NPHP4: variants seen among roughly 807,000 people sequenced by gnomAD.
The protein encoded by NPHP4 is nephrocystin-4.
In NPHP4, 151 loss-of-function variants were observed where a neutral mutation model predicts 155.8. The ratio of observed to expected loss-of-function variants is 0.97; its 90% CI spans 0.85 to 1.11. NPHP4 has a LOEUF of 1.11. Among genes scored for constraint, NPHP4 ranks in the 50% least tolerant of loss-of-function variants. The pLI, the probability that NPHP4 is intolerant of heterozygous loss-of-function variation, is 0.00. For synonymous variants in NPHP4, 845 were observed against 816.8 expected (o/e 1.03, Z -0.59); for missense variants, 1,956 against 1,925.7 (o/e 1.02, Z -0.29).
At chr1:5,900,839 T>C (rs1418206258) in intron 16 of NPHP4, among the ~76,000 whole-genome samples, 1 of 152,160 alleles carries the variant, frequency 6.6e-6, no homozygotes, top group Non-Finnish European at 1.5e-5. Flanking sequence ...AACACCAGCC[T>C]GGGCAACAAG....
At chr1:5,912,549 A>AG (rs1645242290) in intron 11 of NPHP4, among the ~76,000 whole-genome samples, 1 of 101,124 alleles carries the variant, frequency 9.9e-6, no homozygotes, top group African/African-American at 5.2e-5. Flanking sequence ...AAAAAAAAAA[A>AG]AAAAAAGAAA....
chr1:5,983,389 A>G (rs554010892), intron 2 of NPHP4, among the ~76,000 whole-genome samples: 6 of 152,192 alleles, frequency 3.9e-5, no homozygotes, highest in Non-Finnish European at 8.8e-5. Context: ...CACTGTGCCT[A>G]AACTGTTTAT....
At chr1:5,929,168 C>A (rs1429876360) in intron 10 of NPHP4, among the ~76,000 whole-genome samples, 6 of 152,190 alleles carry the variant, frequency 3.9e-5, no homozygotes, top group Non-Finnish European at 7.4e-5. Flanking sequence ...CCTCACTAAA[C>A]CCACTTACTC....
chr1:5,973,618 G>A (rs1652990800), intron 3 of NPHP4, among the ~76,000 whole-genome samples: 1 of 152,190 alleles, frequency 6.6e-6, no homozygotes, highest in African/African-American at 2.4e-5. Context: ...CTATGCTGCT[G>A]TGAACACACA....
chr1:5,943,235 A>C (rs1646915751), intron 9 of NPHP4, among the ~76,000 whole-genome samples: 2 of 152,252 alleles, frequency 1.3e-5, no homozygotes, highest in South Asian at 4.1e-4. Flanking sequence ...AATGCAAAAA[A>C]ATTAACAGCA....
chr1:5,964,941 A>ATATATATATATTTTTTTTTTTT, intron 5 of NPHP4, among the ~76,000 whole-genome samples: 3 of 59,412 alleles, frequency 5.0e-5, no homozygotes, highest in African/African-American at 1.7e-4. Context: ...ATATATATAT[A>ATATATATATATTTTTTTTTTTT]TTTTTTTTTT....
intron 23 of NPHP4, among the ~76,000 whole-genome samples, chr1:5,872,716 A>G (rs1273418890): frequency 2.0e-5 from 3 of 152,190 alleles, no homozygotes; most frequent in African/African-American, 4.8e-5. Flanking sequence ...TCACTTCCCA[A>G]CTACTACAAA....
Position 5,880,155 on chromosome 1 carries a change from CG to C in NPHP4, c.2569del (p.Arg857AlafsTer36). ...SRVISNDGAS[R>X]FSGGSLLTTG... ...CGTGAGGAGGCTGCCTCCAGAGAAGCGGCTGGCTCCATCGTTTGAGATGACC... is the reference window on the plus strand; with the variant it reads ...CGTGAGGAGGCTGCCTCCAGAGAAGCGCTGGCTCCATCGTTTGAGATGACC... On this transcript the variant is annotated frameshift_variant, in exon 19 of 30. Transcript: ENST00000378156. LOFTEE classifies it high-confidence loss of function. The C allele has an allele frequency of 6.2e-7, 1 of 1,613,658 alleles. No individual in the cohort carries two copies. Among genetic ancestry groups the C allele is most frequent in the Non-Finnish European group, 8.5e-7 (1 of 1,179,750 alleles).
At chr1:5,870,213 T>C (rs139837151) in intron 23 of NPHP4, among the ~76,000 whole-genome samples, 2 of 152,092 alleles carry the variant, frequency 1.3e-5, no homozygotes, top group African/African-American at 2.4e-5. Context: ...TGCTGGGCAG[T>C]AAGGAAAGAC....
Position 5,905,258 on chromosome 1 carries a change from A to G in NPHP4, c.1955+34T>C. On this transcript the variant is annotated intron_variant, in intron 15 of 29. Transcript: ENST00000378156. This position sits in a 1 kb window ranked among gnomAD's most constrained non-coding sequence, Gnocchi z 4.0. ...TTCTCTTCAACACAGGAAATGTGAA[A>G]GCCAGATGAGTAACAGAATATTCAA... is the stretch of plus-strand genomic sequence containing the variant. 6.5e-7 allele frequency: 1 copy of G among 1,547,852 alleles called. No individual in the cohort carries two copies. The highest frequency in any genetic ancestry group is 8.9e-7 in the Non-Finnish European group (1 of 1,119,574).
At chr1:5,964,018 C>T (rs939644063) in intron 5 of NPHP4, among the ~76,000 whole-genome samples, 3 of 152,136 alleles carry the variant, frequency 2.0e-5, no homozygotes, top group Admixed American at 6.6e-5. Context: ...CCCTAAGGGT[C>T]GGTATGCAGG....
intron 11 of NPHP4, among the ~76,000 whole-genome samples, chr1:5,926,465 A>T (rs1326224515): frequency 6.6e-6 from 1 of 151,654 alleles, no homozygotes; most frequent in Non-Finnish European, 1.5e-5. Flanking sequence ...GGCTGAAAAT[A>T]TTTTTTTTTA....
intron 11 of NPHP4, among the ~76,000 whole-genome samples, chr1:5,914,168 C>T (rs1645334473): frequency 6.7e-6 from 1 of 149,310 alleles, no homozygotes; most frequent in Admixed American, 6.8e-5. Flanking sequence ...GCCTATAATC[C>T]CAGCACTTTG....
intron 4 of NPHP4, among the ~76,000 whole-genome samples, chr1:5,968,340 G>A (rs757479138): frequency 7.2e-5 from 11 of 152,122 alleles, no homozygotes; most frequent in South Asian, 2.1e-4. Context: ...AGCGGCTCAC[G>A]TCTGTAATCC....
At position 5,890,171 on chromosome 1, in the gene NPHP4, A is replaced by G. The variant is rs1264680881; in HGVS notation, c.2304+697T>C. Among the ~76,000 whole-genome samples the G allele has an allele frequency of 6.6e-6, 1 of 152,098 alleles. No individual in the cohort carries two copies. Among genetic ancestry groups the G allele is most frequent in the Non-Finnish European group, 1.5e-5 (1 of 68,018 alleles). ...ATGCGGCACTCAAGAAAAGTGGGGA[A>G]ATCTCAGAGACTCAGGGGCTGCAAT... On this transcript the variant is annotated intron_variant, in intron 17 of 29. Transcript: ENST00000378156. The surrounding 1 kb of genome is among the most constrained non-coding windows in gnomAD (Gnocchi z 4.9).
intron 7 of NPHP4, among the ~76,000 whole-genome samples, chr1:5,952,077 G>GA (rs1648191720): frequency 1.3e-5 from 2 of 152,316 alleles, no homozygotes; most frequent in Admixed American, 6.5e-5. Context: ...CCCATACACT[G>GA]AAAAGCAACA....
rs1027417188 is a variant in NPHP4 at position 5,910,974 on chromosome 1, G to A, written c.1442-1761C>T. 2.0e-5 allele frequency among the ~76,000 whole-genome samples: 3 copies of A among 152,218 alleles called. No individual in the cohort carries two copies. The highest frequency in any genetic ancestry group is 1.9e-4 in the East Asian group (1 of 5,194). On this transcript the variant is annotated intron_variant, in intron 11 of 29. Transcript: ENST00000378156. This position sits in a 1 kb window ranked among gnomAD's most constrained non-coding sequence, Gnocchi z 5.4. ...CCAGTCCAACTACCTCCTGGGCAGC[G>A]CCCATTTGGCCCGCGCAGCTCCTCT... is the stretch of plus-strand genomic sequence containing the variant.
At chr1:5,949,267 A>C (rs535164617) in intron 7 of NPHP4, among the ~76,000 whole-genome samples, 157 of 151,908 alleles carry the variant, frequency 1.0e-3, no homozygotes, top group African/African-American at 3.6e-3. Context: ...CTTTGTGTTT[A>C]CATAAGACCA....
At chr1:5,992,074 G>A (rs1012754908) in intron 1 of NPHP4, among the ~76,000 whole-genome samples, 170 bp downstream of exon 1, 1 of 150,872 alleles carries the variant, frequency 6.6e-6, no homozygotes, top group African/African-American at 2.5e-5. Context: ...CCCGCCGCGC[G>A]CCACCGCCGC....
Sources: gnomAD v4.1 joint callset for allele counts (sites outside exome capture counted in the v4.1 genomes callset) on GRCh38, gnomAD v4.1.1 for gene constraint, Gnocchi (gnomAD v3.1) non-coding constraint, MANE v1.5 for transcripts, NCBI Gene and HGNC (gene_info 2026-07-23, HGNC 2026-07-21) for gene names.